TXNL1: variants seen among roughly 807,000 people sequenced by gnomAD.
TXNL1 encodes the protein thioredoxin like 1.
A neutral mutation model predicts 35.5 loss-of-function variants in TXNL1; 14 were observed. The observed-to-expected ratio is 0.39, with a 90% CI of 0.26 to 0.62. The LOEUF (loss-of-function observed/expected upper bound fraction) is 0.62, where lower values mean the gene tolerates loss of function less well. Ranked by LOEUF, TXNL1 falls within the 20% of genes least tolerant of loss-of-function variation. The probability of loss-of-function intolerance (pLI) is 0.47; values close to 1 mark genes in which losing one functional copy is unlikely to be tolerated. For missense variants in TXNL1, 263 were observed against 349.7 expected (o/e 0.75, Z 1.98); for synonymous variants, 110 against 115.5 (o/e 0.95, Z 0.31).
intron 3 of TXNL1, among the ~76,000 whole-genome samples, chr18:56,620,739 GATACAA>G (rs553732534): frequency 1.3e-5 from 2 of 152,172 alleles, no homozygotes; most frequent in Non-Finnish European, 2.9e-5. Flanking sequence ...GTTTTTTAAA[GATACAA>G]ATACATACAT....
chr18:56,631,995 G>GATCTAATATAATTAAGATTCTAATATAAT (rs2024379972), intron 1 of TXNL1, among the ~76,000 whole-genome samples: 1 of 150,918 alleles, frequency 6.6e-6, no homozygotes, highest in Non-Finnish European at 1.5e-5. Context: ...TAACCAGTAA[G>GATCTAATATAATTAAGATTCTAATATAAT]TAAGAAGTGA....
chr18:56,633,781 C>T (rs1322797412), intron 1 of TXNL1, among the ~76,000 whole-genome samples: 5 of 151,528 alleles, frequency 3.3e-5, no homozygotes, highest in Non-Finnish European at 4.4e-5. Context: ...GTCAGGAGTT[C>T]GAGACCAGCC....
At chr18:56,608,395 T>G (rs546094388) in intron 7 of TXNL1, 64 of 152,290 alleles carry the variant, frequency 4.2e-4, no homozygotes, top group African/African-American at 1.4e-3. Context: ...TTCAGAAATA[T>G]TACAAGAAAA....
At chr18:56,634,082 C>G (rs769711826) in intron 1 of TXNL1, among the ~76,000 whole-genome samples, 5 of 149,802 alleles carry the variant, frequency 3.3e-5, no homozygotes, top group Non-Finnish European at 7.4e-5. Context: ...ATTCTTTTAA[C>G]TCTTTAGTAA....
intron 3 of TXNL1, among the ~76,000 whole-genome samples, chr18:56,620,364 C>T (rs1380031175): frequency 6.6e-6 from 1 of 152,158 alleles, no homozygotes; most frequent in African/African-American, 2.4e-5. Flanking sequence ...TTTTTTGGTG[C>T]ATACTTTGTC....
intron 3 of TXNL1, among the ~76,000 whole-genome samples, chr18:56,622,638 T>C (rs1450848257): frequency 6.6e-6 from 1 of 152,208 alleles, no homozygotes; most frequent in Admixed American, 6.5e-5. Flanking sequence ...CTTCATTTTT[T>C]CCTATTTCCT....
chr18:56,635,707 G>C (rs76744974), intron 1 of TXNL1, among the ~76,000 whole-genome samples: 5,294 of 152,166 alleles, frequency 0.035, 289 homozygotes, highest in African/African-American at 0.12. Flanking sequence ...TCTGTCTAAA[G>C]TTATAGGAAA....
intron 1 of TXNL1, 147 bp downstream of exon 1, chr18:56,638,196 C>T: frequency 1.3e-6 from 1 of 784,940 alleles, no homozygotes; most frequent in Non-Finnish European, 2.0e-6. Flanking sequence ...ACCCGAGAAA[C>T]GAGGCCTAAT....
At chr18:56,620,048 A>G (rs1221511297) in intron 3 of TXNL1, among the ~76,000 whole-genome samples, 1 of 152,028 alleles carries the variant, frequency 6.6e-6, no homozygotes, top group East Asian at 1.9e-4. Context: ...GGCTCACTGA[A>G]ACCTCCACCT....
chr18:56,606,855 T>C (rs1278109010), intron 7 of TXNL1, among the ~76,000 whole-genome samples: 1 of 152,226 alleles, frequency 6.6e-6, no homozygotes, highest in East Asian at 1.9e-4. Context: ...CAACTGCCTA[T>C]GGTGCAGTAC....
chr18:56,601,954 A>G lies in TXNL1; in HGVS notation c.*1073T>C, dbSNP rs752587997. ...TTCAACCTTAAATCATGTTCTCTGT[A>G]TATTTACACTGCACGTTTTGGTAGT... On this transcript the variant is annotated 3_prime_UTR_variant, in exon 8 of 8. Transcript: ENST00000217515. The G allele has an allele frequency of 6.6e-6, 1 of 152,162 alleles. No homozygotes were observed. Among genetic ancestry groups the G allele is most frequent in the Non-Finnish European group, 1.5e-5 (1 of 68,024 alleles). The allele number at this position is 152,162 out of a possible 1,614,324, so 9.4% of individuals were successfully genotyped here.
chr18:56,633,064 C>A (rs1307446629), intron 1 of TXNL1, among the ~76,000 whole-genome samples: 1 of 152,112 alleles, frequency 6.6e-6, no homozygotes, highest in Non-Finnish European at 1.5e-5. Flanking sequence ...TTGTAACAAA[C>A]CCTAACAAAC....
In TXNL1 at chr18:56,597,222, C is replaced by T. The variant is rs2023756169; in HGVS notation, c.*5805G>A. 6.6e-6 allele frequency: 1 copy of T among 152,166 alleles called. No individual in the cohort carries two copies. The highest frequency in any genetic ancestry group is 1.5e-5 in the Non-Finnish European group (1 of 68,020). The allele number at this position is 152,166 out of a possible 1,614,324, so 9.4% of individuals were successfully genotyped here. On this transcript the variant is annotated 3_prime_UTR_variant, in exon 8 of 8. Coordinates refer to ENST00000217515, the MANE Select transcript of TXNL1 (RefSeq NM_004786.3). ...CAAGAGAAAAAGCACCTGATAAGAT[C>T]CTTTAATGACAACTTCAAAGCAGTG... is the stretch of plus-strand genomic sequence containing the variant.
chr18:56,605,917 A>G lies in TXNL1; in HGVS notation c.841-2861T>C, dbSNP rs146425254. ...CAGTGACATACTAAAAACGGAAATT[A>G]TCCAGAAACAGCTCACACAAGATAA... On this transcript the variant is annotated intron_variant, in intron 7 of 7. Coordinates refer to ENST00000217515, the MANE Select transcript of TXNL1 (RefSeq NM_004786.3). Among the ~76,000 whole-genome samples the G allele has an allele frequency of 8.5e-5, 13 of 152,364 alleles. No homozygotes were observed. The East Asian group carries it at 2.3e-3, about 27-fold the overall frequency.
intron 6 of TXNL1, among the ~76,000 whole-genome samples, chr18:56,613,288 T>A (rs887607242): frequency 6.6e-6 from 1 of 152,324 alleles, no homozygotes; most frequent in Admixed American, 6.5e-5. Context: ...GGCATGACAT[T>A]CTCAGTGGCT....
chr18:56,608,642 A>G (rs1160299325), intron 7 of TXNL1: 1 of 152,206 alleles, frequency 6.6e-6, no homozygotes, highest in Non-Finnish European at 1.5e-5. Flanking sequence ...TCTCTTCACA[A>G]GTATCCAGGG....
chr18:56,634,673 C>A (rs2024428799), intron 1 of TXNL1, among the ~76,000 whole-genome samples: 1 of 152,124 alleles, frequency 6.6e-6, no homozygotes, highest in African/African-American at 2.4e-5. Flanking sequence ...CAAAATGGAT[C>A]AAGGACCTAA....
chr18:56,629,973 T>C (rs1377540745), intron 1 of TXNL1, among the ~76,000 whole-genome samples: 2 of 151,710 alleles, frequency 1.3e-5, no homozygotes, highest in African/African-American at 2.4e-5. Flanking sequence ...CCAAGGCAGG[T>C]GGATCACTTT....
intron 6 of TXNL1, among the ~76,000 whole-genome samples, chr18:56,613,751 T>TA (rs1778126059): frequency 6.6e-6 from 1 of 152,152 alleles, no homozygotes; most frequent in South Asian, 2.1e-4. Flanking sequence ...ATCAGGGCTA[T>TA]ACTGAACCAA....
Sources: allele counts gnomAD v4.1 joint callset (sites outside exome capture counted in the v4.1 genomes callset), GRCh38; gene constraint gnomAD v4.1.1; transcripts MANE v1.5; gene names NCBI Gene and HGNC (gene_info 2026-07-23, HGNC 2026-07-21).